Variants in STAB2 observed in about 807,000 individuals in gnomAD.
STAB2 encodes stabilin-2.
Under a neutral mutation model 338.1 loss-of-function variants are expected in STAB2, and 288 were observed. That is an observed-to-expected ratio of 0.85 (90% CI 0.77 to 0.94). The LOEUF is 0.94. Among genes scored for constraint, STAB2 ranks in the 40% least tolerant of loss-of-function variants. The pLI is 0.00. For synonymous variants in STAB2, 1,202 were observed against 1,193.3 expected (o/e 1.01, Z -0.15); for missense variants, 3,141 against 3,210.1 (o/e 0.98, Z 0.52).
intron 45 of STAB2, among the ~76,000 whole-genome samples, chr12:103,725,456 TTAAAA>T (rs1403534294): frequency 1.4e-4 from 22 of 152,246 alleles, no homozygotes; most frequent in Admixed American, 4.6e-4. Context: ...CATCAGGTTG[TTAAAA>T]TAAGGTAATA....
intron 3 of STAB2, among the ~76,000 whole-genome samples, chr12:103,608,924 C>A (rs944513601): frequency 3.3e-5 from 5 of 152,216 alleles, no homozygotes; most frequent in Non-Finnish European, 7.3e-5. Flanking sequence ...GTTTTCCCAG[C>A]ACCATTTATT....
chr12:103,712,198 TGTG>T (rs371279388), intron 40 of STAB2, among the ~76,000 whole-genome samples, 166 bp from the exon 41 acceptor site: 2 of 152,146 alleles, frequency 1.3e-5, no homozygotes, highest in African/African-American at 4.8e-5. Flanking sequence ...TTTAGCTGCT[TGTG>T]GTGGGGTTAT....
At chr12:103,603,190 C>T (rs1048843352) in intron 3 of STAB2, among the ~76,000 whole-genome samples, 1 of 152,168 alleles carries the variant, frequency 6.6e-6, no homozygotes, top group Non-Finnish European at 1.5e-5. Flanking sequence ...CCTGTCTCAG[C>T]CTCCCGAGTA....
At chr12:103,608,381 A>C (rs1957066872) in intron 3 of STAB2, among the ~76,000 whole-genome samples, 1 of 152,046 alleles carries the variant, frequency 6.6e-6, no homozygotes, top group African/African-American at 2.4e-5. Context: ...TGACCTCGTG[A>C]TCCGCCCGCC....
chr12:103,668,932 C>G (rs1875443612), intron 20 of STAB2: 1 of 534,064 alleles, frequency 1.9e-6, no homozygotes, highest in Non-Finnish European at 3.3e-6. Context: ...GTTCCCTACC[C>G]TCTTAACACA....
intron 56 of STAB2, among the ~76,000 whole-genome samples, chr12:103,744,484 T>C (rs1477702971): frequency 1.1e-5 from 1 of 90,648 alleles, no homozygotes; most frequent in Non-Finnish European, 2.1e-5. Context: ...TTTTTTTTTT[T>C]AAGACAGGGT....
At chr12:103,739,233 T>C (rs1379609372) in intron 53 of STAB2, among the ~76,000 whole-genome samples, 179 bp from the exon 54 acceptor site, 1 of 151,828 alleles carries the variant, frequency 6.6e-6, no homozygotes, top group African/African-American at 2.4e-5. Flanking sequence ...TGCCTTGGCC[T>C]CCCAAAGTGC....
rs760548843 is a variant in STAB2, at chr12:103,735,503, G to T, written c.5473G>T (p.Asp1825Tyr). 8 of 1,576,922 alleles carry T rather than the reference G, an allele frequency of 5.1e-6. No homozygotes were observed. In the Admixed American group the frequency reaches 1.4e-4, roughly 27 times the overall value. ...VIRDAKVLAV[D>Y]LPTSTAWKTL... The stretch of plus-strand genomic sequence containing the variant: ...ATCACTCCTACAGGTTTTAGCTGTG[G>T]ATCTTCCCACATCCACTGCCTGGAA... The change falls in exon 52 of 69, where the codon GAT (aspartate) becomes TAT (tyrosine). Residue 1825 changes from aspartate to tyrosine, a missense_variant. Asp to Tyr is a radical substitution (Grantham distance 160, BLOSUM62 -3). Transcript: ENST00000388887.
intron 48 of STAB2, among the ~76,000 whole-genome samples, 173 bp from the exon 49 acceptor site, chr12:103,729,943 T>C (rs1262789123): frequency 2.6e-5 from 4 of 152,242 alleles, no homozygotes; most frequent in Non-Finnish European, 5.9e-5. Context: ...GAAAGTTACA[T>C]TTTTATCTCT....
At chr12:103,762,235 A>C in intron 66 of STAB2, 39 bp from the exon 67 acceptor site, 2 of 1,607,660 alleles carry the variant, frequency 1.2e-6, no homozygotes, top group African/African-American at 2.7e-5. Context: ...GGGAGTCAGA[A>C]GTTTTAAGAA....
intron 15 of STAB2, among the ~76,000 whole-genome samples, chr12:103,658,494 G>T (rs1874361643): frequency 1.3e-5 from 2 of 152,130 alleles, no homozygotes; most frequent in Non-Finnish European, 2.9e-5. Flanking sequence ...TTGTCAAAAG[G>T]ATACAATAAT....
At chr12:103,611,958 C>G (rs923222496) in intron 3 of STAB2, among the ~76,000 whole-genome samples, 8 of 152,166 alleles carry the variant, frequency 5.3e-5, no homozygotes, top group African/African-American at 1.9e-4. Context: ...CTTAGTATGG[C>G]TGGCTATGAA....
intron 52 of STAB2, among the ~76,000 whole-genome samples, chr12:103,737,199 T>C (rs973673628): frequency 8.5e-5 from 13 of 152,174 alleles, no homozygotes; most frequent in African/African-American, 3.1e-4. Flanking sequence ...CACCCACTGC[T>C]GACGTTTCTC....
At chr12:103,653,225 A>T (rs193047911) in intron 12 of STAB2, among the ~76,000 whole-genome samples, 1 of 151,584 alleles carries the variant, frequency 6.6e-6, no homozygotes, top group African/African-American at 2.4e-5. Flanking sequence ...TGAGCTGGGG[A>T]GCAGGTGATT....
chr12:103,641,074 GAGAA>G (rs780704872), intron 9 of STAB2, among the ~76,000 whole-genome samples: 2 of 152,202 alleles, frequency 1.3e-5, no homozygotes, highest in South Asian at 2.1e-4. Context: ...ATCAGCATCT[GAGAA>G]AGACTCATAG....
chr12:103,753,588 G>A (rs1237651146), intron 61 of STAB2, among the ~76,000 whole-genome samples: 1 of 152,084 alleles, frequency 6.6e-6, no homozygotes, highest in Non-Finnish European at 1.5e-5. Flanking sequence ...TCTGAAGGCA[G>A]AGCAGGTGTT....
chr12:103,671,852 G>A (rs186407817), intron 22 of STAB2, among the ~76,000 whole-genome samples: 74 of 152,220 alleles, frequency 4.9e-4, no homozygotes, highest in African/African-American at 1.6e-3. Context: ...TCTTTAAAAT[G>A]ACATCCTGTA....
intron 5 of STAB2, among the ~76,000 whole-genome samples, chr12:103,631,111 G>C (rs193184483): frequency 1.9e-4 from 29 of 152,272 alleles, no homozygotes; most frequent in African/African-American, 6.7e-4. Context: ...CATCAAGCTA[G>C]AAAATATGGC....
intron 11 of STAB2, 29 bp downstream of exon 11, chr12:103,650,607 G>A (rs1236874860): frequency 6.3e-7 from 1 of 1,592,076 alleles, no homozygotes. Context: ...CCTACACCAA[G>A]GGGCTAATAT....
Sources: gnomAD v4.1 joint callset for allele counts (sites outside exome capture counted in the v4.1 genomes callset) on GRCh38, gnomAD v4.1.1 for gene constraint, MANE v1.5 for transcripts, NCBI Gene and HGNC (gene_info 2026-07-23, HGNC 2026-07-21) for gene names.